Variants in LRRC7 observed in about 807,000 individuals in gnomAD.
LRRC7 encodes leucine rich repeat containing 7.
In LRRC7, 23 loss-of-function variants were observed where a neutral mutation model predicts 175.7. The observed-to-expected ratio is 0.13, with a 90% confidence interval of 0.09 to 0.19. The LOEUF (loss-of-function observed/expected upper bound fraction) is 0.19, where lower values mean the gene tolerates loss of function less well. Among genes scored for constraint, LRRC7 ranks in the 10% least tolerant of loss-of-function variants. LRRC7 has a pLI of 1.00. For synonymous variants in LRRC7, 685 were observed against 680.9 expected (o/e 1.01, Z -0.09); for missense variants, 1,354 against 1,904.7 (o/e 0.71, Z 5.38).
In LRRC7 at chr1:69,614,021, C is replaced by T. The variant is rs374520327; in HGVS notation, c.2+45380C>T. On this transcript the variant is annotated intron_variant, in intron 1 of 26. Transcript: ENST00000651989. ...TCCTACAATTGTGATAATTATCATT[C>T]ATAAAGTTTCAGACATTTGAAAATT... 1.5e-4 allele frequency among the ~76,000 whole-genome samples: 22 copies of T among 149,700 alleles called. No individual in the cohort carries two copies. The East Asian group carries it at 1.7e-3, about 12-fold the overall frequency.
chr1:69,824,448 C>T, intron 4 of LRRC7, among the ~76,000 whole-genome samples: 1 of 152,020 alleles, frequency 6.6e-6, no homozygotes, highest in Admixed American at 6.6e-5. Flanking sequence ...CACAATGGAG[C>T]TCCCAAACTT....
At chr1:70,023,859 G>A (rs560188465) in intron 17 of LRRC7, among the ~76,000 whole-genome samples, 1 of 152,168 alleles carries the variant, frequency 6.6e-6, no homozygotes, top group South Asian at 2.1e-4. Context: ...GACATCTGTT[G>A]AAAAGCATCA....
chr1:69,883,360 G>C (rs1479497273), intron 7 of LRRC7, among the ~76,000 whole-genome samples: 1 of 132,962 alleles, frequency 7.5e-6, no homozygotes, highest in Non-Finnish European at 1.6e-5. Context: ...TTCTCTGATG[G>C]CCAATGATGA....
rs1475921926 is a variant in LRRC7 at position 70,127,595 on chromosome 1, C to T, written c.*5708C>T. 6.6e-6 allele frequency among the ~76,000 whole-genome samples: 1 copy of T among 152,140 alleles called. No homozygotes were observed. The highest frequency in any genetic ancestry group is 1.5e-5 in the Non-Finnish European group (1 of 68,032). On this transcript the variant is annotated 3_prime_UTR_variant, in exon 27 of 27. Coordinates refer to ENST00000651989, the MANE Select transcript of LRRC7 (RefSeq NM_001370785.2). ...CTGGTAGAGTCTTCCCAGTTGGGTT[C>T]TGAGCTCATGCTCTTTGTAACAACA...
At chr1:69,851,018 A>G (rs1570321934) in intron 7 of LRRC7, among the ~76,000 whole-genome samples, 2 of 152,256 alleles carry the variant, frequency 1.3e-5, no homozygotes, top group Non-Finnish European at 1.5e-5. Context: ...ATAAAAGATT[A>G]TGAGAGTGAG....
At chr1:69,914,900 G>A (rs1360321761) in intron 7 of LRRC7, among the ~76,000 whole-genome samples, 3 of 152,122 alleles carry the variant, frequency 2.0e-5, no homozygotes, top group Non-Finnish European at 4.4e-5. Flanking sequence ...CCTTTACAGA[G>A]AATGTTTGCT....
intron 1 of LRRC7, among the ~76,000 whole-genome samples, chr1:69,672,433 A>G (rs2100578780): frequency 6.6e-6 from 1 of 152,272 alleles, no homozygotes; most frequent in South Asian, 2.1e-4. Flanking sequence ...CTGAGGTCAG[A>G]CAGATCTGGA....
At chr1:69,810,458 T>G (rs1378159985) in intron 4 of LRRC7, among the ~76,000 whole-genome samples, 3 of 152,100 alleles carry the variant, frequency 2.0e-5, no homozygotes, top group Non-Finnish European at 4.4e-5. Flanking sequence ...AGAGCCCACA[T>G]AGCCAAGACA....
At chr1:69,773,155 T>C (rs1672428482) in intron 3 of LRRC7, among the ~76,000 whole-genome samples, 2 of 152,280 alleles carry the variant, frequency 1.3e-5, no homozygotes, top group Non-Finnish European at 2.9e-5. Flanking sequence ...GGCACATTTG[T>C]TCATGACTAG....
chr1:69,780,663 C>A (rs1266819663), intron 3 of LRRC7, among the ~76,000 whole-genome samples: 2 of 152,164 alleles, frequency 1.3e-5, no homozygotes, highest in Non-Finnish European at 2.9e-5. Flanking sequence ...ATTATTAACA[C>A]TTGTTTTAAA....
chr1:69,768,842 T>G (rs1363198773), intron 3 of LRRC7, among the ~76,000 whole-genome samples: 1 of 152,172 alleles, frequency 6.6e-6, no homozygotes, highest in African/African-American at 2.4e-5. Flanking sequence ...CCTCCCAAAC[T>G]CTTAGTACTT....
chr1:69,969,086 G>A (rs981522502), intron 8 of LRRC7, among the ~76,000 whole-genome samples: 12 of 151,958 alleles, frequency 7.9e-5, no homozygotes, highest in Non-Finnish European at 2.9e-5. Context: ...CCAAAGTGCT[G>A]GGATTACAGA....
chr1:70,120,892 C>T (rs902436618), intron 26 of LRRC7, among the ~76,000 whole-genome samples: 5 of 151,984 alleles, frequency 3.3e-5, no homozygotes, highest in Non-Finnish European at 4.4e-5. Context: ...TTTGCCTTTA[C>T]GGCAGTGAAG....
At chr1:69,952,004 G>A (rs1052262426) in intron 8 of LRRC7, among the ~76,000 whole-genome samples, 5 of 151,916 alleles carry the variant, frequency 3.3e-5, no homozygotes, top group Admixed American at 3.3e-4. Context: ...AAATGTGACT[G>A]AGCTAGATAA....
intron 1 of LRRC7, among the ~76,000 whole-genome samples, chr1:69,644,887 A>C (rs1145924): frequency 0.22 from 33,475 of 151,962 alleles, 4,171 homozygotes; most frequent in South Asian, 0.29. Context: ...GTGACCATCA[A>C]AATAAATGCA....
chr1:69,659,011 G>T (rs1657052524), intron 1 of LRRC7, among the ~76,000 whole-genome samples: 1 of 152,026 alleles, frequency 6.6e-6, no homozygotes, highest in Admixed American at 6.6e-5. Context: ...AGCTGTAATT[G>T]GAGCTATAGG....
At chr1:69,779,767 A>G (rs554002040) in intron 3 of LRRC7, among the ~76,000 whole-genome samples, 2 of 152,334 alleles carry the variant, frequency 1.3e-5, no homozygotes, top group South Asian at 4.1e-4. Context: ...GCAGGAAATA[A>G]AAGAGCTCTT....
intron 1 of LRRC7, among the ~76,000 whole-genome samples, chr1:69,636,150 A>G (rs182387747): frequency 2.1e-4 from 32 of 152,134 alleles, no homozygotes; most frequent in African/African-American, 7.2e-4. Flanking sequence ...GGATAAGTGT[A>G]GAGTTTTATA....
At chr1:70,003,769 G>A (rs1655747412) in intron 11 of LRRC7, among the ~76,000 whole-genome samples, 2 of 151,798 alleles carry the variant, frequency 1.3e-5, no homozygotes, top group South Asian at 4.2e-4. Context: ...ACTTACTCCT[G>A]CATGCATGAA....
Sources: allele counts gnomAD v4.1 joint callset (sites outside exome capture counted in the v4.1 genomes callset), GRCh38; gene constraint gnomAD v4.1.1; transcripts MANE v1.5; gene names NCBI Gene and HGNC (gene_info 2026-07-23, HGNC 2026-07-21).